PDE4D: variants seen among roughly 807,000 people sequenced by gnomAD.
PDE4D encodes the protein 3',5'-cyclic-AMP phosphodiesterase 4D.
In PDE4D, 24 loss-of-function variants were observed where a neutral mutation model predicts 87.4. The ratio of observed to expected loss-of-function variants is 0.27; its 90% CI spans 0.20 to 0.39. The LOEUF (loss-of-function observed/expected upper bound fraction) is 0.39, where lower values mean the gene tolerates loss of function less well. Among genes scored for constraint, PDE4D ranks in the 10% least tolerant of loss-of-function variants. The pLI is 1.00. For missense variants in PDE4D, 714 were observed against 1,041.0 expected, an observed-to-expected ratio of 0.69 and a Z score of 4.32; for synonymous variants, 384 against 383.2, an observed-to-expected ratio of 1.00 and a Z score of -0.02.
intron 1 of PDE4D, among the ~76,000 whole-genome samples, chr5:59,881,152 G>C (rs1470804620): frequency 6.6e-6 from 1 of 151,964 alleles, no homozygotes; most frequent in Non-Finnish European, 1.5e-5. Flanking sequence ...TTTTACTTTT[G>C]GGTCTTAATG....
At chr5:60,322,380 A>ACACG (rs1756368042) in intron 1 of PDE4D, among the ~76,000 whole-genome samples, 1 of 101,648 alleles carries the variant, frequency 9.8e-6, no homozygotes, top group Admixed American at 9.6e-5. Context: ...ACACACACAC[A>ACACG]CACACACACA....
At chr5:60,203,060 C>T (rs1427603986) in intron 1 of PDE4D, among the ~76,000 whole-genome samples, 1 of 152,196 alleles carries the variant, frequency 6.6e-6, no homozygotes, top group African/African-American at 2.4e-5. Context: ...GCAACTTCTG[C>T]CTCCCAGGTT....
intron 1 of PDE4D, among the ~76,000 whole-genome samples, chr5:59,516,548 GA>G (rs955307601): frequency 3.3e-5 from 5 of 151,944 alleles, no homozygotes; most frequent in Non-Finnish European, 7.4e-5. Context: ...TTTTTTCATA[GA>G]AAAAAACTGC....
chr5:60,145,246 C>T (rs536652017), intron 2 of PDE4D, among the ~76,000 whole-genome samples: 2 of 152,130 alleles, frequency 1.3e-5, no homozygotes, highest in African/African-American at 4.8e-5. Context: ...ATATTTTCTG[C>T]CAGAGTGACA....
At chr5:60,337,407 A>ACG (rs1561134196) in intron 1 of PDE4D, among the ~76,000 whole-genome samples, 1 of 142,500 alleles carries the variant, frequency 7.0e-6, no homozygotes, top group East Asian at 2.1e-4. Context: ...ACACACACAC[A>ACG]TATATCAATT....
intron 1 of PDE4D, among the ~76,000 whole-genome samples, chr5:59,510,835 A>G (rs959280897): frequency 2.0e-5 from 3 of 152,006 alleles, no homozygotes; most frequent in African/African-American, 4.8e-5. Flanking sequence ...TAGTGATTCC[A>G]GCAGATAGGC....
At chr5:59,142,365 C>T (rs1254949250) in intron 5 of PDE4D, among the ~76,000 whole-genome samples, 1 of 141,274 alleles carries the variant, frequency 7.1e-6, no homozygotes, top group Non-Finnish European at 1.5e-5. Context: ...TTCACTTTCC[C>T]ACTTTCAATT....
chr5:60,436,935 C>T (rs747834592), intron 1 of PDE4D, among the ~76,000 whole-genome samples: 2 of 152,034 alleles, frequency 1.3e-5, no homozygotes, highest in Non-Finnish European at 2.9e-5. Context: ...ATATTATGAA[C>T]ATTGTACAGA....
intron 1 of PDE4D, among the ~76,000 whole-genome samples, chr5:59,804,358 C>A (rs1389346939): frequency 6.6e-6 from 1 of 152,160 alleles, no homozygotes; most frequent in Non-Finnish European, 1.5e-5. Flanking sequence ...TATTTGGTTT[C>A]TTTTTATGAC....
chr5:59,682,472 G>C (rs2150367972), intron 1 of PDE4D, among the ~76,000 whole-genome samples: 1 of 152,302 alleles, frequency 6.6e-6, no homozygotes, highest in African/African-American at 2.4e-5. Flanking sequence ...CAAATTGAAA[G>C]ATAGTCTATG....
intron 2 of PDE4D, chr5:60,030,797 C>T (rs2152859510): frequency 6.6e-6 from 1 of 152,246 alleles, no homozygotes. Flanking sequence ...CTCACACTAC[C>T]TCGTAAGGAA....
chr5:60,037,692 A>G (rs895042879), intron 2 of PDE4D, among the ~76,000 whole-genome samples: 3 of 152,202 alleles, frequency 2.0e-5, no homozygotes, highest in African/African-American at 7.2e-5. Flanking sequence ...TTGAAGGGAG[A>G]CAGGTAGCAC....
chr5:59,039,459 C>G (rs1020138183), intron 5 of PDE4D: 1 of 991,682 alleles, frequency 1.0e-6, no homozygotes, highest in African/African-American at 1.7e-5. Context: ...GCCGAGCCTT[C>G]TGCACGGCAC....
chr5:59,731,050 A>G (rs972035587), intron 1 of PDE4D, among the ~76,000 whole-genome samples: 22 of 152,018 alleles, frequency 1.4e-4, no homozygotes, highest in African/African-American at 4.8e-4. Context: ...TGTATATACG[A>G]TATCCATTCT....
chr5:60,271,066 A>G (rs2149723476), intron 1 of PDE4D, among the ~76,000 whole-genome samples: 1 of 152,244 alleles, frequency 6.6e-6, no homozygotes, highest in South Asian at 2.1e-4. Context: ...TTCTATAGCC[A>G]CCTTTCCTGG....
At chr5:60,020,943 A>G (rs1766004565) in intron 2 of PDE4D, among the ~76,000 whole-genome samples, 1 of 152,354 alleles carries the variant, frequency 6.6e-6, no homozygotes, top group South Asian at 2.1e-4. Flanking sequence ...AGGTCAGCCT[A>G]TAACTGGGAA....
intron 5 of PDE4D, among the ~76,000 whole-genome samples, chr5:59,163,396 C>T (rs1027579678): frequency 3.3e-5 from 5 of 151,804 alleles, no homozygotes; most frequent in East Asian, 3.9e-4. Context: ...CTCAGTCTCC[C>T]GAGTAGCCGG....
chr5:60,285,834 T>C (rs530711830), intron 1 of PDE4D, among the ~76,000 whole-genome samples: 17 of 152,178 alleles, frequency 1.1e-4, no homozygotes, highest in Non-Finnish European at 1.9e-4. Context: ...CCCTGGCATG[T>C]GAGTGGCAGT....
chr5:59,222,881 C>A (rs1752862414), intron 1 of PDE4D, among the ~76,000 whole-genome samples: 1 of 152,182 alleles, frequency 6.6e-6, no homozygotes, highest in South Asian at 2.1e-4. Context: ...GTTTGGAAAG[C>A]ATTCACCACA....
Sources: gnomAD v4.1 joint callset for allele counts (sites outside exome capture counted in the v4.1 genomes callset) on GRCh38, gnomAD v4.1.1 for gene constraint, MANE v1.5 for transcripts, NCBI Gene and HGNC (gene_info 2026-07-23, HGNC 2026-07-21) for gene names.